The following DOCK3 variants were observed in gnomAD, a reference collection of about 807,000 sequenced individuals.
DOCK3 encodes dedicator of cytokinesis 3.
DOCK3 carries 60 observed loss-of-function variants against 265.6 expected under a neutral mutation model. The ratio of observed to expected loss-of-function variants is 0.23; its 90% confidence interval spans 0.18 to 0.28. DOCK3 has a LOEUF of 0.28. Among genes scored for constraint, DOCK3 ranks in the 10% least tolerant of loss-of-function variants. The pLI is 1.00. For missense variants in DOCK3, 1,981 were observed against 2,594.3 expected, an observed-to-expected ratio of 0.76 and a Z score of 5.14; for synonymous variants, 881 against 938.0, an observed-to-expected ratio of 0.94 and a Z score of 1.11.
chr3:50,883,285 C>T (rs1344092091), intron 3 of DOCK3, among the ~76,000 whole-genome samples: 1 of 151,668 alleles, frequency 6.6e-6, no homozygotes, highest in East Asian at 1.9e-4. Flanking sequence ...GGCCATTTTG[C>T]TAGATATCTG....
intron 47 of DOCK3, among the ~76,000 whole-genome samples, chr3:51,360,837 G>A (rs903067540): frequency 6.6e-6 from 1 of 152,284 alleles, no homozygotes; most frequent in South Asian, 2.1e-4. Context: ...TGATACTGTG[G>A]GAACATGGAG....
chr3:51,119,386 C>G (rs1221270969), intron 9 of DOCK3, among the ~76,000 whole-genome samples: 2 of 152,190 alleles, frequency 1.3e-5, no homozygotes. Context: ...TTCTCTCTGG[C>G]TGCCCTTAAC....
rs749284495 is a variant in DOCK3, at chr3:51,360,485, A to G, written c.4885-26A>G. 3.1e-6 allele frequency: 5 copies of G among 1,600,498 alleles called. No individual in the cohort carries two copies. In the South Asian group the frequency reaches 4.5e-5, roughly 14 times the overall value. ...GTTACTTATTTATTCTTTACTCTCT[A>G]TGAAGGGGCATTCATTTCTCAACAG... On this transcript the variant is annotated intron_variant, in intron 46 of 52. Transcript: ENST00000266037.
At chr3:50,895,124 A>G (rs1487645282) in intron 4 of DOCK3, among the ~76,000 whole-genome samples, 1 of 152,042 alleles carries the variant, frequency 6.6e-6, no homozygotes, top group Non-Finnish European at 1.5e-5. Context: ...AAAACATCAG[A>G]AATGAATCAC....
At chr3:50,934,366 A>T (rs764911853) in intron 5 of DOCK3, among the ~76,000 whole-genome samples, 1 of 152,202 alleles carries the variant, frequency 6.6e-6, no homozygotes, top group Admixed American at 6.5e-5. Flanking sequence ...TTTATAAAAC[A>T]GATATTTACA....
chr3:51,024,763 G>A (rs1267057862), intron 5 of DOCK3, among the ~76,000 whole-genome samples: 1 of 152,206 alleles, frequency 6.6e-6, no homozygotes, highest in Admixed American at 6.5e-5. Flanking sequence ...GGGAATGTCT[G>A]CAAGGGATCC....
Position 51,160,513 on chromosome 3 carries a change from A to C in DOCK3, c.890-42A>C, listed in dbSNP as rs749131843. On this transcript the variant is annotated intron_variant, in intron 11 of 52. Transcript: ENST00000266037. ...CAATTAGGTGATACTGGAGAGGAGC[A>C]TGCTTTTCTCAGTCTGACTGGTGTT... The C allele has an allele frequency of 7.6e-6, 12 of 1,569,732 alleles. No homozygotes were observed. In the South Asian group the frequency reaches 1.1e-4, roughly 14 times the overall value.
chr3:50,982,437 T>G (rs1575674837), intron 5 of DOCK3, among the ~76,000 whole-genome samples: 1 of 151,882 alleles, frequency 6.6e-6, no homozygotes, highest in African/African-American at 2.4e-5. Flanking sequence ...CTGGCTGCAG[T>G]GGGGAGGTGC....
At chr3:51,362,266 C>A (rs2110355004) in intron 48 of DOCK3, among the ~76,000 whole-genome samples, 1 of 152,304 alleles carries the variant, frequency 6.6e-6, no homozygotes, top group South Asian at 2.1e-4. Flanking sequence ...GCCAGATTGC[C>A]CCCTTGCCTG....
In DOCK3 at chr3:51,160,426, G is replaced by C. The variant is rs1030328039; in HGVS notation, c.890-129G>C. On this transcript the variant is annotated intron_variant, in intron 11 of 52. Transcript: ENST00000266037. ...AAATATCCTTGGATGACTCCCTTCAGCCCTGTAGTCTTCACCTTAGAGGAT... is the reference window on the plus strand; with the variant it reads ...AAATATCCTTGGATGACTCCCTTCACCCCTGTAGTCTTCACCTTAGAGGAT... 7 of 1,223,486 alleles carry C rather than the reference G, an allele frequency of 5.7e-6. No individual in the cohort carries two copies. The African/African-American group carries it at 1.1e-4, about 19-fold the overall frequency. The allele number at this position is 1,223,486 out of a possible 1,614,324, so 75.8% of individuals were successfully genotyped here. A position where few individuals can be genotyped will look rare whatever the true frequency, so the allele number is the denominator to read the frequency against.
intron 3 of DOCK3, among the ~76,000 whole-genome samples, chr3:50,854,120 G>A (rs1030561344): frequency 6.6e-6 from 1 of 151,974 alleles, no homozygotes; most frequent in African/African-American, 2.4e-5. Context: ...CTTTTGAGAC[G>A]TGTCTATTCA....
intron 2 of DOCK3, among the ~76,000 whole-genome samples, chr3:50,808,120 G>A (rs1436305065): frequency 2.6e-5 from 4 of 152,134 alleles, no homozygotes; most frequent in Admixed American, 2.6e-4. Context: ...GCTATTTATA[G>A]TAGTATCAAA....
At chr3:50,719,725 C>T in intron 1 of DOCK3, 1 of 1,379,034 alleles carries the variant, frequency 7.3e-7, no homozygotes, top group South Asian at 1.2e-5. Flanking sequence ...AAGTTCTTAT[C>T]ATCAAATTTC....
At chr3:51,227,236 A>G in intron 15 of DOCK3, 47 bp from the exon 16 acceptor site, 1 of 1,599,168 alleles carries the variant, frequency 6.3e-7, no homozygotes, top group Non-Finnish European at 8.5e-7. Context: ...AGAAATCCAG[A>G]CATTCCTACC....
intron 9 of DOCK3, among the ~76,000 whole-genome samples, chr3:51,106,673 C>T (rs535057320): frequency 1.7e-4 from 26 of 152,316 alleles, no homozygotes; most frequent in African/African-American, 3.8e-4. Context: ...CCACTGCTGC[C>T]GGCATCAACG....
chr3:50,764,064 C>T (rs1264593868), intron 1 of DOCK3, among the ~76,000 whole-genome samples: 1 of 152,142 alleles, frequency 6.6e-6, no homozygotes, highest in Non-Finnish European at 1.5e-5. Flanking sequence ...CAGAAATTTA[C>T]TTTCGTTGGT....
intron 5 of DOCK3, among the ~76,000 whole-genome samples, chr3:50,973,071 T>TTTTTTTTTTC (rs2077297409): frequency 6.9e-6 from 1 of 144,898 alleles, no homozygotes; most frequent in African/African-American, 2.5e-5. Flanking sequence ...TTTTTTTTTT[T>TTTTTTTTTTC]TTGCAGTTCC....
intron 12 of DOCK3, among the ~76,000 whole-genome samples, chr3:51,173,230 C>T (rs1354828482): frequency 6.6e-6 from 1 of 152,172 alleles, no homozygotes; most frequent in Non-Finnish European, 1.5e-5. Context: ...AAGTGATCCA[C>T]CCATCTCAGC....
At chr3:51,003,725 A>G (rs912751849) in intron 5 of DOCK3, among the ~76,000 whole-genome samples, 3 of 151,384 alleles carry the variant, frequency 2.0e-5, no homozygotes, top group African/African-American at 7.4e-5. Flanking sequence ...GTCTCTTGGA[A>G]TGTCTTCAAT....
Sources: gnomAD v4.1 joint callset for allele counts (sites outside exome capture counted in the v4.1 genomes callset) on GRCh38, gnomAD v4.1.1 for gene constraint, MANE v1.5 for transcripts, NCBI Gene and HGNC (gene_info 2026-07-23, HGNC 2026-07-21) for gene names.